RMST: variants seen among roughly 807,000 people sequenced by gnomAD.
RMST encodes the protein rhabdomyosarcoma 2 associated transcript.
At chr12:97,528,367 T>C (rs1007649722) in intron 10 of RMST, among the ~76,000 whole-genome samples, 5 of 152,180 alleles carry the variant, frequency 3.3e-5, no homozygotes, top group African/African-American at 1.2e-4. Context: ...AATTTATTTC[T>C]TGATTTCCTT....
chr12:97,544,602 G>T (rs566117200), intron 11 of RMST, among the ~76,000 whole-genome samples: 1 of 152,030 alleles, frequency 6.6e-6, no homozygotes, highest in Non-Finnish European at 1.5e-5. Context: ...CCATACCTTC[G>T]CTAGAATTGT....
chr12:97,477,385 C>T (rs956449613), intron 5 of RMST, among the ~76,000 whole-genome samples: 1 of 151,928 alleles, frequency 6.6e-6, no homozygotes, highest in Non-Finnish European at 1.5e-5. Flanking sequence ...TTTCAGAAAT[C>T]AAAAGACCAG....
At chr12:97,515,791 G>A (rs1879864870) in intron 10 of RMST, among the ~76,000 whole-genome samples, 1 of 152,038 alleles carries the variant, frequency 6.6e-6, no homozygotes, top group Non-Finnish European at 1.5e-5. Context: ...TGATGAAGCT[G>A]AATAATATTT....
chr12:97,478,830 T>G (rs2136412132), intron 5 of RMST, among the ~76,000 whole-genome samples: 1 of 152,286 alleles, frequency 6.6e-6, no homozygotes, highest in East Asian at 1.9e-4. Context: ...CTGACTCCAT[T>G]TTATTCCATG....
exon 6 of RMST, chr12:97,492,475 G>A (rs897323909): frequency 3.1e-5 from 5 of 159,054 alleles, no homozygotes; most frequent in Admixed American, 2.9e-4. Flanking sequence ...TCAGGATGAT[G>A]GAGTGAGTGA....
At chr12:97,501,377 G>C (rs1442502742) in intron 10 of RMST, among the ~76,000 whole-genome samples, 1 of 152,126 alleles carries the variant, frequency 6.6e-6, no homozygotes, top group Non-Finnish European at 1.5e-5. Context: ...GTATTTGAAG[G>C]CCTACTGTCT....
rs1031026497 is a variant in RMST at position 97,555,269 on chromosome 12, T to C, written n.1546-5268T>C. 5.3e-5 allele frequency among the ~76,000 whole-genome samples: 8 copies of C among 152,228 alleles called. 1 individual carries two copies. The highest frequency in any genetic ancestry group is 3.9e-4 in the Admixed American group (6 of 15,280). On this transcript the variant is annotated intron_variant and non_coding_transcript_variant, in intron 11 of 13. Coordinates refer to ENST00000640149, the Ensembl canonical transcript of RMST. ...ATACAGCCTTTATTGAAATAATATC[T>C]TGACTGTATATTGATACCTTTCATT...
At chr12:97,500,237 G>C (rs1385372642) in intron 10 of RMST, among the ~76,000 whole-genome samples, 1 of 152,182 alleles carries the variant, frequency 6.6e-6, no homozygotes, top group Non-Finnish European at 1.5e-5. Context: ...GAAGCAGCCT[G>C]TCCTGCTGCT....
chr12:97,538,075 T>C (rs966284386), intron 11 of RMST, among the ~76,000 whole-genome samples: 3 of 151,330 alleles, frequency 2.0e-5, no homozygotes, highest in African/African-American at 7.3e-5. Flanking sequence ...TTTAATCAAA[T>C]CAAATAATAG....
chr12:97,540,685 T>C (rs533872651), intron 11 of RMST, among the ~76,000 whole-genome samples: 4 of 151,834 alleles, frequency 2.6e-5, no homozygotes, highest in Admixed American at 6.6e-5. Flanking sequence ...AATACCTATT[T>C]ATAGTGGTGT....
chr12:97,514,457 A>G (rs1442227140), intron 10 of RMST, among the ~76,000 whole-genome samples: 1 of 152,178 alleles, frequency 6.6e-6, no homozygotes, highest in Non-Finnish European at 1.5e-5. Context: ...GCCTGTTTAA[A>G]TCCCCCCAAT....
intron 13 of RMST, chr12:97,563,806 C>T (rs188324940): frequency 8.0e-5 from 40 of 502,220 alleles, no homozygotes; most frequent in East Asian, 7.4e-4. Context: ...GTTTTGCATC[C>T]GACCAAGATA....
intron 10 of RMST, among the ~76,000 whole-genome samples, chr12:97,505,754 A>C (rs1347033292): frequency 1.3e-5 from 2 of 152,192 alleles, no homozygotes; most frequent in Admixed American, 6.5e-5. Context: ...GCTGGGTTTA[A>C]GTTTTGATAT....
At chr12:97,563,224 G>C (rs942932047) in intron 13 of RMST, 4 of 152,928 alleles carry the variant, frequency 2.6e-5, no homozygotes, top group Non-Finnish European at 4.4e-5. Flanking sequence ...TTGTAGATGG[G>C]GTTGGGGATG....
intron 5 of RMST, among the ~76,000 whole-genome samples, chr12:97,489,225 C>T (rs530877703): frequency 2.0e-5 from 3 of 152,190 alleles, no homozygotes; most frequent in South Asian, 2.1e-4. Context: ...GTGGGAAGAT[C>T]GCTTGAGCTC....
At chr12:97,507,657 G>A (rs1878849035) in intron 10 of RMST, among the ~76,000 whole-genome samples, 1 of 152,186 alleles carries the variant, frequency 6.6e-6, no homozygotes, top group Non-Finnish European at 1.5e-5. Flanking sequence ...ATGCCTCTAA[G>A]AAATCCTGGT....
intron 7 of RMST, chr12:97,493,854 T>C (rs1429857572): frequency 2.0e-5 from 3 of 152,234 alleles, no homozygotes; most frequent in African/African-American, 7.2e-5. Flanking sequence ...AACATACTGA[T>C]TGTTTGACTG....
chr12:97,500,215 C>T (rs529264671), intron 10 of RMST, among the ~76,000 whole-genome samples: 4 of 152,212 alleles, frequency 2.6e-5, no homozygotes, highest in East Asian at 1.9e-4. Flanking sequence ...AAGAAACGTC[C>T]GCTGGTAAAC....
intron 5 of RMST, among the ~76,000 whole-genome samples, chr12:97,483,193 A>C (rs1875642092): frequency 6.6e-6 from 1 of 152,166 alleles, no homozygotes; most frequent in Non-Finnish European, 1.5e-5. Flanking sequence ...AGGGCTAAAG[A>C]ACCACGCTGT....
Sources: gnomAD v4.1 joint callset for allele counts (sites outside exome capture counted in the v4.1 genomes callset) on GRCh38, gnomAD v4.1.1 for gene constraint, MANE v1.5 for transcripts, NCBI Gene and HGNC (gene_info 2026-07-23, HGNC 2026-07-21) for gene names.